The following CCDC13 variants were observed in gnomAD, a reference collection of about 807,000 sequenced individuals.
The protein encoded by CCDC13 is coiled-coil domain-containing protein 13.
A neutral mutation model predicts 87.3 loss-of-function variants in CCDC13; 70 were observed. That is an observed-to-expected ratio of 0.80 (90% CI 0.66 to 0.98). CCDC13 has a LOEUF of 0.98. CCDC13 is among the 50% of genes least tolerant of loss of function. CCDC13 has a pLI of 0.00. For synonymous variants in CCDC13, 317 were observed against 360.3 expected (o/e 0.88, Z 1.36); for missense variants, 842 against 892.0 (o/e 0.94, Z 0.71).
chr3:42,711,015 G>T (rs1242632766), intron 14 of CCDC13, among the ~76,000 whole-genome samples: 1 of 152,000 alleles, frequency 6.6e-6, no homozygotes, highest in Non-Finnish European at 1.5e-5. Flanking sequence ...GGAGGTCTAG[G>T]GGGGTGGATA....
At chr3:42,773,067 G>A (rs1399568401) in intron 1 of CCDC13, 109 bp downstream of exon 1, 1 of 152,248 alleles carries the variant, frequency 6.6e-6, no homozygotes, top group Non-Finnish European at 1.5e-5. Context: ...CGCCCGGCCA[G>A]TGGCAGCGCG....
At chr3:42,711,246 CAAA>C (rs1174084143) in intron 14 of CCDC13, among the ~76,000 whole-genome samples, 2 of 75,328 alleles carry the variant, frequency 2.7e-5, no homozygotes, top group Admixed American at 1.6e-4. Context: ...ACTCTGTCTC[CAAA>C]AAAAAAAAAA....
chr3:42,732,651 C>CTG, intron 12 of CCDC13: 1 of 538,606 alleles, frequency 1.9e-6, no homozygotes, highest in Non-Finnish European at 3.3e-6. Context: ...TTAATTCTCA[C>CTG]GTAGCAGGTA....
intron 13 of CCDC13, 95 bp from the exon 14 acceptor site, chr3:42,713,411 T>G: frequency 7.9e-7 from 1 of 1,260,872 alleles, no homozygotes; most frequent in Non-Finnish European, 1.1e-6. Context: ...GGGCACATCT[T>G]ACATTGGTAG....
intron 1 of CCDC13, chr3:42,771,136 T>C (rs1465225642): frequency 3.3e-5 from 5 of 152,156 alleles, no homozygotes; most frequent in African/African-American, 9.7e-5. Flanking sequence ...TGAAAAGAAA[T>C]GAGCTATCAC....
At chr3:42,709,193 TG>T (rs761589121) in intron 15 of CCDC13, 54 bp from the exon 16 acceptor site, 213 of 1,533,360 alleles carry the variant, frequency 1.4e-4, no homozygotes, top group Non-Finnish European at 1.6e-4. Flanking sequence ...CAGGTGTGCG[TG>T]GGTGACAGAG....
chr3:42,750,396 C>G (rs775391283), intron 5 of CCDC13, among the ~76,000 whole-genome samples: 1 of 152,184 alleles, frequency 6.6e-6, no homozygotes, highest in Admixed American at 6.5e-5. Context: ...ATCCTGCCTT[C>G]GAATGACTTC....
chr3:42,733,067 G>A lies in CCDC13; in HGVS notation c.1512-97C>T, dbSNP rs1698886433. 2.7e-5 allele frequency: 27 copies of A among 987,096 alleles called. No individual in the cohort carries two copies. The South Asian group carries it at 3.6e-4, about 13-fold the overall frequency. 61.1% of individuals were successfully genotyped at this position (987,096 alleles called of 1,614,324 possible). On this transcript the variant is annotated intron_variant, in intron 11 of 15. Coordinates refer to ENST00000310232, the MANE Select transcript of CCDC13 (RefSeq NM_144719.4). ...GTGAGGTGGAGCAGTGGCCAGCAGG[G>A]GTCCAGGAAACCCTTGCAGCAGTCC...
intron 9 of CCDC13, among the ~76,000 whole-genome samples, chr3:42,737,595 T>A (rs1284980150): frequency 3.3e-5 from 5 of 152,240 alleles, no homozygotes; most frequent in Non-Finnish European, 4.4e-5. Context: ...GACTTTTTAA[T>A]GATTGCCCTT....
chr3:42,741,471 T>G (rs1345625789), intron 8 of CCDC13, among the ~76,000 whole-genome samples: 1 of 152,174 alleles, frequency 6.6e-6, no homozygotes, highest in Non-Finnish European at 1.5e-5. Flanking sequence ...GGCGAATGGC[T>G]CACACCTGTA....
At chr3:42,704,886 T>C (rs1406788710), downstream of CCDC13, 1 of 152,198 alleles carries the variant, frequency 6.6e-6, no homozygotes, top group African/African-American at 2.4e-5. Flanking sequence ...TTCTCTCAAA[T>C]CTGAGTCCCT....
At chr3:42,743,971 G>GAGTAA (rs1316403757) in intron 7 of CCDC13, among the ~76,000 whole-genome samples, 1 of 152,158 alleles carries the variant, frequency 6.6e-6, no homozygotes, top group Non-Finnish European at 1.5e-5. Context: ...ATGGGCCTAA[G>GAGTAA]AGTAACACTG....
In CCDC13 at chr3:42,758,165, G is replaced by A. The variant is rs749343995; in HGVS notation, c.181C>T (p.His61Tyr). The A allele has an allele frequency of 2.0e-5, 33 of 1,613,938 alleles. No individual in the cohort carries two copies. Among genetic ancestry groups the A allele is most frequent in the Admixed American group, 8.3e-5 (5 of 59,990 alleles). ...TTTTTCGAGTTTGGCTCCCCTGCGT[G>A]GAGAAGGCTGAGGCCATCTGAAACC... ...LEVSDGLSLL[H>Y]AGEPNSKNSF... Residue 61 changes from histidine (H) to tyrosine (Y), a missense_variant, in exon 2 of 16, where the codon CAC (histidine) becomes TAC (tyrosine). Physicochemically the swap from His to Tyr is moderately conservative, Grantham distance 83. Coordinates refer to ENST00000310232, the MANE Select transcript of CCDC13 (RefSeq NM_144719.4).
chr3:42,734,268 G>A (rs1277865416), intron 10 of CCDC13, among the ~76,000 whole-genome samples: 4 of 152,168 alleles, frequency 2.6e-5, no homozygotes, highest in African/African-American at 4.8e-5. Flanking sequence ...AACTCGAAAC[G>A]TGTGCCGACT....
intron 1 of CCDC13, among the ~76,000 whole-genome samples, chr3:42,758,918 T>TC (rs1446431906): frequency 1.3e-5 from 2 of 152,256 alleles, no homozygotes; most frequent in East Asian, 3.9e-4. Context: ...TTGTGCCCCT[T>TC]CCAGTGAATC....
intron 13 of CCDC13, among the ~76,000 whole-genome samples, chr3:42,720,332 C>A (rs550801095): frequency 2.2e-4 from 34 of 152,292 alleles, no homozygotes; most frequent in African/African-American, 7.7e-4. Flanking sequence ...TCGTAAAATG[C>A]CATTATGACT....
intron 13 of CCDC13, among the ~76,000 whole-genome samples, chr3:42,730,022 C>A (rs946604299): frequency 6.6e-6 from 1 of 152,178 alleles, no homozygotes; most frequent in Non-Finnish European, 1.5e-5. Context: ...CCTCAGGCCT[C>A]GTGCTTCCCT....
At position 42,755,209 on chromosome 3, in the gene CCDC13, G is replaced by A. The variant is rs566079388; in HGVS notation, c.370+1857C>T. ...TCACTAGATCACTAAAAAACTGTAC[G>A]AAAAATATAGTAAGCAAACAAAACC... On this transcript the variant is annotated intron_variant, in intron 3 of 15. Coordinates refer to ENST00000310232, the MANE Select transcript of CCDC13 (RefSeq NM_144719.4). Among the ~76,000 whole-genome samples the A allele has an allele frequency of 3.3e-5, 5 of 152,084 alleles. No individual in the cohort carries two copies. The East Asian group carries it at 7.7e-4, about 23-fold the overall frequency.
intron 9 of CCDC13, among the ~76,000 whole-genome samples, chr3:42,737,246 T>A (rs1279247799): frequency 6.6e-6 from 1 of 152,230 alleles, no homozygotes; most frequent in Non-Finnish European, 1.5e-5. Flanking sequence ...CATGAACTCA[T>A]CCTTTTTTAT....
Sources: gnomAD v4.1 joint callset for allele counts (sites outside exome capture counted in the v4.1 genomes callset) on GRCh38, gnomAD v4.1.1 for gene constraint, MANE v1.5 for transcripts, NCBI Gene and HGNC (gene_info 2026-07-23, HGNC 2026-07-21) for gene names.